Variants in TTC4 observed in about 807,000 individuals in gnomAD.
TTC4 encodes hsp70/Hsp90 co-chaperone CNS1 homolog.
Under a neutral mutation model 51.9 loss-of-function variants are expected in TTC4, and 36 were observed. The ratio of observed to expected loss-of-function variants is 0.69; its 90% CI spans 0.53 to 0.92. The LOEUF is 0.92. TTC4 is among the 40% of genes least tolerant of loss of function. TTC4 has a pLI of 0.00. For synonymous variants in TTC4, 144 were observed against 164.2 expected (o/e 0.88, Z 0.94); for missense variants, 399 against 454.6 (o/e 0.88, Z 1.11).
chr1:54,739,611 T>C (rs1394367907), intron 9 of TTC4, among the ~76,000 whole-genome samples: 2 of 152,256 alleles, frequency 1.3e-5, no homozygotes, highest in African/African-American at 4.8e-5. Context: ...TCCTGGACTA[T>C]AAGGGAAAGC....
In TTC4 at chr1:54,741,739, A is replaced by C; in HGVS notation, c.*226A>C. 2 of 571,996 alleles carry C rather than the reference A, an allele frequency of 3.5e-6. No individual in the cohort carries two copies. Among genetic ancestry groups the C allele is most frequent in the South Asian group, 4.4e-5 (2 of 45,972 alleles). The allele number at this position is 571,996 out of a possible 1,614,324, so 35.4% of individuals were successfully genotyped here. ...TGATATAAAACTCTGGGTCTTGGCC[A>C]TGATGTCCTTGGACTCCATCGCTAA... On this transcript the variant is annotated 3_prime_UTR_variant, in exon 10 of 10. Coordinates refer to ENST00000371281, the MANE Select transcript of TTC4 (RefSeq NM_004623.5).
intron 1 of TTC4, 95 bp downstream of exon 1, chr1:54,716,114 C>G: frequency 1.0e-6 from 1 of 980,044 alleles, no homozygotes; most frequent in Non-Finnish European, 1.5e-6. Context: ...TCCCAGATCC[C>G]TGGCGCTGCC....
At chr1:54,736,150 G>T (rs1645929380) in intron 8 of TTC4, among the ~76,000 whole-genome samples, 1 of 136,660 alleles carries the variant, frequency 7.3e-6, no homozygotes, top group Non-Finnish European at 1.5e-5. Flanking sequence ...ACAGCTTGGG[G>T]GAGAAAGAGA....
chr1:54,741,889 C>CGGCGA lies in TTC4; in HGVS notation c.*376_*377insGGCGA. On this transcript the variant is annotated 3_prime_UTR_variant, in exon 10 of 10. Transcript: ENST00000371281. ...GGAGTTTGACACCTTAGAGAAGCTA[C>CGGCGA]CCCTCAAACTGCACATCTACACACA... The CGGCGA allele has an allele frequency of 4.8e-6, 1 of 210,362 alleles. No individual in the cohort carries two copies. The highest frequency in any genetic ancestry group is 1.1e-4 in the South Asian group (1 of 9,502). 13.0% of individuals were successfully genotyped at this position (210,362 alleles called of 1,614,324 possible). A position where few individuals can be genotyped will look rare whatever the true frequency, so the allele number is the denominator to read the frequency against.
chr1:54,721,066 C>T, intron 3 of TTC4, 97 bp from the exon 4 acceptor site: 2 of 1,155,834 alleles, frequency 1.7e-6, no homozygotes, highest in Non-Finnish European at 2.5e-6. Context: ...TTGTATTTCC[C>T]CAGGATTGTA....
intron 5 of TTC4, among the ~76,000 whole-genome samples, chr1:54,725,732 G>A (rs184102545): frequency 0.011 from 1,629 of 152,294 alleles, 25 homozygotes; most frequent in African/African-American, 0.037. Flanking sequence ...ACTAAAAAAA[G>A]TATGAGAATG....
In TTC4 at chr1:54,736,240, A is replaced by G. The variant is rs1354540030; in HGVS notation, c.979-1342A>G. Reference sequence around the variant, plus strand: ...AGAGAGAGAAGAGGAGAGGAGAGAGAAGAGAGGAGAGAGGAGAGAGAGAGA... The same window carrying G: ...AGAGAGAGAAGAGGAGAGGAGAGAGGAGAGAGGAGAGAGGAGAGAGAGAGA... On this transcript the variant is annotated intron_variant, in intron 8 of 9. Coordinates refer to ENST00000371281, the MANE Select transcript of TTC4 (RefSeq NM_004623.5). Among the ~76,000 whole-genome samples the G allele has an allele frequency of 9.4e-5, 11 of 117,088 alleles. 1 individual carries two copies. Among genetic ancestry groups the G allele is most frequent in the African/African-American group, 2.3e-4 (5 of 21,760 alleles). The allele number at this position is 117,088 out of a possible 152,430, so 76.8% of individuals were successfully genotyped here. A position where few individuals can be genotyped will look rare whatever the true frequency, so the allele number is the denominator to read the frequency against.
rs1170976363 is a variant in TTC4, at chr1:54,730,298, G to A, written c.682-1188G>A. 1.2e-4 allele frequency among the ~76,000 whole-genome samples: 9 copies of A among 76,970 alleles called. No individual in the cohort carries two copies. In the Admixed American group the frequency reaches 1.3e-3, roughly 11 times the overall value. The allele number at this position is 76,970 out of a possible 152,430, so 50.5% of individuals were successfully genotyped here. On this transcript the variant is annotated intron_variant, in intron 6 of 9. Transcript: ENST00000371281. ...ATAAATCCTTTTTTTTTTTTTTTTT[G>A]GTTCTCTTCTTTAGTGTAACCCTTC...
intron 3 of TTC4, 121 bp downstream of exon 3, chr1:54,717,774 G>C (rs1645693837): frequency 2.2e-6 from 2 of 906,656 alleles, no homozygotes; most frequent in African/African-American, 3.4e-5. Context: ...ACTAAGGATA[G>C]TTTACTCTGA....
chr1:54,736,168 AAAGAAAG>A lies in TTC4; in HGVS notation c.979-1413_979-1407del, dbSNP rs1191658422. Among the ~76,000 whole-genome samples the A allele has an allele frequency of 6.3e-4, 74 of 117,816 alleles. 2 individuals are homozygous for A. The highest frequency in any genetic ancestry group is 2.2e-3 in the African/African-American group (52 of 23,226). The allele number at this position is 117,816 out of a possible 152,430, so 77.3% of individuals were successfully genotyped here. ...GCTTGGGGGAGAAAGAGAGAGAAAG[AAAGAAAG>A]GAGAGAGAGAGAGAGAGAGAGAGAG... On this transcript the variant is annotated intron_variant, in intron 8 of 9. Coordinates refer to ENST00000371281, the MANE Select transcript of TTC4 (RefSeq NM_004623.5).
At chr1:54,737,806 G>A in intron 9 of TTC4, 142 bp downstream of exon 9, 1 of 823,418 alleles carries the variant, frequency 1.2e-6, no homozygotes, top group Non-Finnish European at 1.8e-6. Context: ...GTTCCACGTG[G>A]CTGGGGATGC....
rs780310811 is a variant in TTC4, at chr1:54,731,651, C to G, written c.847C>G (p.Pro283Ala). Residue 283 changes from proline (P) to alanine (A), a missense_variant, in exon 7 of 10, where the codon CCA becomes GCA. This residue lies in a region of TTC4 where 316 missense variants were observed against 349.6 expected (regional missense o/e 0.90). Transcript: ENST00000371281. ...RLSWPVLFLY[P>A]EYAQSDFISA... ...GAGCTGGCCTGTGCTCTTTCTGTAC[C>G]CAGAGTATGCCCAGTCGGACTTCAT... is the stretch of plus-strand genomic sequence containing the variant. 2 of 1,614,092 alleles carry G rather than the reference C, an allele frequency of 1.2e-6. No individual in the cohort carries two copies. The highest frequency in any genetic ancestry group is 1.7e-6 in the Non-Finnish European group (2 of 1,180,024).
intron 8 of TTC4, among the ~76,000 whole-genome samples, chr1:54,736,171 GAAAGGAGAGAGA>G (rs1424201692): frequency 9.3e-6 from 1 of 108,030 alleles, no homozygotes; most frequent in Non-Finnish European, 1.8e-5. Flanking sequence ...GAGAAAGAAA[GAAAGGAGAGAGA>G]GAGAGAGAGA....
rs375830666 is a variant in TTC4, at chr1:54,731,638, G to T, written c.834G>T (p.Val278=). 37 of 1,613,970 alleles carry T rather than the reference G, an allele frequency of 2.3e-5. No individual in the cohort carries two copies. The highest frequency in any genetic ancestry group is 3.0e-5 in the Non-Finnish European group (35 of 1,180,016). ...LDGQGRLSWP[V]LFLYPEYAQS... is the part of the protein sequence containing the mutation. ...GCCAGGGCAGGCTGAGCTGGCCTGT[G>T]CTCTTTCTGTACCCAGAGTATGCCC... The change falls in exon 7 of 10, where the codon GTG becomes GTT. Residue 278 remains valine (V), a synonymous_variant. Coordinates refer to ENST00000371281, the MANE Select transcript of TTC4 (RefSeq NM_004623.5).
chr1:54,716,422 T>C (rs1175520317), intron 1 of TTC4, among the ~76,000 whole-genome samples, 178 bp from the exon 2 acceptor site: 2 of 152,142 alleles, frequency 1.3e-5, no homozygotes, highest in Non-Finnish European at 2.9e-5. Flanking sequence ...AAACAATCAT[T>C]AGAGACCATT....
At chr1:54,729,362 T>A (rs991903522) in intron 6 of TTC4, among the ~76,000 whole-genome samples, 1 of 152,184 alleles carries the variant, frequency 6.6e-6, no homozygotes, top group Non-Finnish European at 1.5e-5. Flanking sequence ...AATACCTGCT[T>A]TGGGTTAAGT....
chr1:54,733,328 A>G (rs887245552), intron 7 of TTC4, among the ~76,000 whole-genome samples: 19 of 151,866 alleles, frequency 1.3e-4, no homozygotes, highest in African/African-American at 4.4e-4. Flanking sequence ...GCTAAGGTAG[A>G]GGAATTGCTT....
chr1:54,716,069 C>T (rs1434981845), intron 1 of TTC4, 50 bp downstream of exon 1: 10 of 1,456,768 alleles, frequency 6.9e-6, no homozygotes, highest in Non-Finnish European at 9.4e-6. Context: ...CGTCCGGACT[C>T]GTGGGGCACC....
At chr1:54,734,181 C>T (rs1281555630) in intron 8 of TTC4, among the ~76,000 whole-genome samples, 2 of 151,800 alleles carry the variant, frequency 1.3e-5, no homozygotes, top group African/African-American at 4.8e-5. Context: ...AAGCGATTCT[C>T]CTGCCTCAGC....
Sources: gnomAD v4.1 joint callset for allele counts (sites outside exome capture counted in the v4.1 genomes callset) on GRCh38, gnomAD v4.1.1 for gene constraint, gnomAD v4.1.1 regional missense constraint, MANE v1.5 for transcripts, NCBI Gene and HGNC (gene_info 2026-07-23, HGNC 2026-07-21) for gene names.